EPB41L2: variants seen among roughly 807,000 people sequenced by gnomAD.
EPB41L2 encodes the protein erythrocyte membrane protein band 4.1 like 2.
EPB41L2 carries 43 observed loss-of-function variants against 113.0 expected under a neutral mutation model. The observed-to-expected ratio is 0.38, with a 90% confidence interval of 0.30 to 0.49. The LOEUF is 0.49. Among genes scored for constraint, EPB41L2 ranks in the 20% least tolerant of loss-of-function variants. The pLI is 0.95. For missense variants in EPB41L2, 1,147 were observed against 1,223.4 expected, an observed-to-expected ratio of 0.94 and a Z score of 0.93; for synonymous variants, 442 against 436.7, an observed-to-expected ratio of 1.01 and a Z score of -0.15.
At chr6:130,935,460 T>C (rs1056007446) in intron 3 of EPB41L2, among the ~76,000 whole-genome samples, 1 of 152,174 alleles carries the variant, frequency 6.6e-6, no homozygotes, top group Non-Finnish European at 1.5e-5. Flanking sequence ...TAACTGAGCA[T>C]ATAATTAATC....
At chr6:130,989,407 T>A (rs1781319924) in intron 1 of EPB41L2, among the ~76,000 whole-genome samples, 1 of 152,152 alleles carries the variant, frequency 6.6e-6, no homozygotes, top group African/African-American at 2.4e-5. Flanking sequence ...CAAAGAGAAG[T>A]ATGCCTTTAT....
In EPB41L2 at chr6:130,885,409, C is replaced by A. The variant is rs1790625601; in HGVS notation, c.1661-141G>T. 1.4e-6 allele frequency: 1 copy of A among 717,552 alleles called. No homozygotes were observed. The highest frequency in any genetic ancestry group is 2.3e-6 in the Non-Finnish European group (1 of 441,490). The allele number at this position is 717,552 out of a possible 1,614,324, so 44.4% of individuals were successfully genotyped here. The stretch of plus-strand genomic sequence containing the variant: ...AGACATTGCTTGAGCTCTGAAAATA[C>A]CCACCATATAAAATAAACTAATTTT... On this transcript the variant is annotated intron_variant, in intron 11 of 19. Transcript: ENST00000337057.
chr6:130,944,164 C>CAT (rs1811925005), intron 3 of EPB41L2, among the ~76,000 whole-genome samples: 1 of 138,918 alleles, frequency 7.2e-6, no homozygotes, highest in African/African-American at 2.7e-5. Context: ...TACGTACATA[C>CAT]ACACACATAC....
intron 4 of EPB41L2, among the ~76,000 whole-genome samples, chr6:130,925,634 G>T (rs7766505): frequency 0.8 from 121,655 of 152,208 alleles, 49,396 homozygotes; most frequent in East Asian, 1. Context: ...TCAAAAAAAG[G>T]AGGTAATCCT....
intron 1 of EPB41L2, among the ~76,000 whole-genome samples, chr6:131,003,114 A>T (rs1784710304): frequency 6.6e-6 from 1 of 151,390 alleles, no homozygotes; most frequent in South Asian, 2.1e-4. Flanking sequence ...TTTAAGTGTC[A>T]CTTAGTTATA....
chr6:130,983,147 T>C (rs377212937), intron 1 of EPB41L2, among the ~76,000 whole-genome samples: 94 of 152,300 alleles, frequency 6.2e-4, no homozygotes, highest in African/African-American at 2.1e-3. Context: ...TCTAGTACCA[T>C]AAAGTTCTCA....
chr6:130,873,575 C>T (rs1236439200), intron 14 of EPB41L2, among the ~76,000 whole-genome samples: 2 of 150,370 alleles, frequency 1.3e-5, no homozygotes, highest in Non-Finnish European at 2.9e-5. Context: ...AAGTGATTTT[C>T]CTGCCTCAGC....
intron 5 of EPB41L2, among the ~76,000 whole-genome samples, chr6:130,904,995 C>A (rs1797314057): frequency 2.7e-5 from 4 of 149,508 alleles, no homozygotes; most frequent in Non-Finnish European, 5.9e-5. Flanking sequence ...AATAGCTATT[C>A]AAAAAATTAT....
chr6:130,973,629 C>T (rs1272484597), intron 1 of EPB41L2, among the ~76,000 whole-genome samples: 2 of 152,178 alleles, frequency 1.3e-5, no homozygotes, highest in African/African-American at 4.8e-5. Flanking sequence ...TATTCAAAGT[C>T]ACCCCTCTGC....
At chr6:130,908,215 G>A (rs947028518) in intron 5 of EPB41L2, among the ~76,000 whole-genome samples, 1 of 152,200 alleles carries the variant, frequency 6.6e-6, no homozygotes. Context: ...GTCATTTTGG[G>A]ATTGTACAAG....
chr6:130,915,227 C>A (rs980175777), intron 4 of EPB41L2, among the ~76,000 whole-genome samples: 1 of 151,694 alleles, frequency 6.6e-6, no homozygotes, highest in Non-Finnish European at 1.5e-5. Context: ...GGCGTGAACC[C>A]GGGAGGCGGA....
At chr6:131,023,512 G>A (rs1471534766) in intron 1 of EPB41L2, among the ~76,000 whole-genome samples, 1 of 151,904 alleles carries the variant, frequency 6.6e-6, no homozygotes, top group Non-Finnish European at 1.5e-5. Context: ...GGGAAACCCT[G>A]TCTCTACTAA....
At chr6:130,899,108 C>T (rs1306814854) in intron 8 of EPB41L2, among the ~76,000 whole-genome samples, 1 of 151,988 alleles carries the variant, frequency 6.6e-6, no homozygotes, top group Non-Finnish European at 1.5e-5. Context: ...TTTATGGTTG[C>T]TAAGGTCTTC....
chr6:131,026,858 C>G (rs541510751), intron 1 of EPB41L2, among the ~76,000 whole-genome samples: 3 of 152,304 alleles, frequency 2.0e-5, no homozygotes, highest in East Asian at 3.9e-4. Flanking sequence ...GCATTCATCT[C>G]ACCTCCACTC....
At chr6:130,893,682 A>G (rs985809723) in intron 10 of EPB41L2, among the ~76,000 whole-genome samples, 1 of 152,208 alleles carries the variant, frequency 6.6e-6, no homozygotes, top group Non-Finnish European at 1.5e-5. Flanking sequence ...TTAAGGTAGC[A>G]CTTGGACAGC....
At chr6:130,929,226 G>C (rs115584224) in intron 3 of EPB41L2, among the ~76,000 whole-genome samples, 79 of 152,334 alleles carry the variant, frequency 5.2e-4, no homozygotes, top group African/African-American at 1.6e-3. Context: ...ATGAGTAAAT[G>C]TGACTAACAG....
chr6:130,963,790 T>C (rs1181417986), intron 1 of EPB41L2, among the ~76,000 whole-genome samples: 1 of 152,194 alleles, frequency 6.6e-6, no homozygotes, highest in Non-Finnish European at 1.5e-5. Flanking sequence ...GGTATTTTTA[T>C]TCACATAACC....
Position 130,865,580 on chromosome 6 carries a change from T to A in EPB41L2, c.2785A>T (p.Thr929Ser), listed in dbSNP as rs764464330. 1 of 1,614,176 alleles carries A rather than the reference T, an allele frequency of 6.2e-7. No homozygotes were observed. Among genetic ancestry groups the A allele is most frequent in the Non-Finnish European group, 8.5e-7 (1 of 1,180,030 alleles). Reference sequence around the variant, plus strand: ...GTCGTTGTTGACACGGACTCAGATGTGATGGTTTGTGCGGTCAGTAACGTG... The same window carrying A: ...GTCGTTGTTGACACGGACTCAGATGAGATGGTTTGTGCGGTCAGTAACGTG... ...SGTLLTAQTI[T>S]SESVSTTTTT... Residue 929 changes from threonine (T) to serine (S), a missense_variant, in exon 17 of 20, where the codon ACA (threonine) becomes TCA (serine). Transcript: ENST00000337057.
At chr6:131,002,095 C>T (rs1359008455) in intron 1 of EPB41L2, among the ~76,000 whole-genome samples, 1 of 152,146 alleles carries the variant, frequency 6.6e-6, no homozygotes. Flanking sequence ...AGTCTGAAGC[C>T]ATGATTACTG....
Sources: gnomAD v4.1 joint callset for allele counts (sites outside exome capture counted in the v4.1 genomes callset) on GRCh38, gnomAD v4.1.1 for gene constraint, MANE v1.5 for transcripts, NCBI Gene and HGNC (gene_info 2026-07-23, HGNC 2026-07-21) for gene names.